Variants in NTM observed in about 807,000 individuals in gnomAD.
NTM encodes neurotrimin.
In NTM, 13 loss-of-function variants were observed where a neutral mutation model predicts 42.1. That is an observed-to-expected ratio of 0.31 (90% CI 0.20 to 0.49). NTM has a LOEUF of 0.49. NTM is among the 20% of genes least tolerant of loss of function. The probability of loss-of-function intolerance (pLI) is 0.99; values close to 1 mark genes in which losing one functional copy is unlikely to be tolerated. For synonymous variants in NTM, 187 were observed against 179.2 expected (o/e 1.04, Z -0.35); for missense variants, 373 against 452.8 (o/e 0.82, Z 1.60).
intron 1 of NTM, chr11:131,771,379 T>A (rs1004852839): frequency 6.6e-6 from 1 of 152,212 alleles, no homozygotes; most frequent in Non-Finnish European, 1.5e-5. Flanking sequence ...TTAGTCATAA[T>A]TGTCACAGAA....
chr11:131,403,193 T>G (rs1315851402), intron 1 of NTM, among the ~76,000 whole-genome samples: 3 of 152,132 alleles, frequency 2.0e-5, no homozygotes, highest in Admixed American at 2.0e-4. Context: ...GCTGGAGGTG[T>G]CCCTAGTAGT....
Position 132,310,206 on chromosome 11 carries a change from A to T in NTM, c.756A>T (p.Glu252Asp), listed in dbSNP as rs1291492198. The change falls in exon 6 of 9, where the codon GAA (glutamate) becomes GAT (aspartate). Residue 252 changes from glutamate to aspartate, a missense_variant. Physicochemically the swap from Glu to Asp is conservative, Grantham distance 45. Around this residue, in one of 3 missense-constraint regions of NTM, gnomAD observed 312 missense variants for 353.5 expected, o/e 0.88. Coordinates refer to ENST00000683400, the MANE Select transcript of NTM (RefSeq NM_001352005.2). ...AAGCCTCAGCAGTCCCCTCAGCAGA[A>T]TTCCAGTGGTACAAGGATGACAAAA... Reference protein sequence around the residue: ...QCEASAVPSAEFQWYKDDKRL... With the variant: ...QCEASAVPSADFQWYKDDKRL... The T allele has an allele frequency of 6.2e-7, 1 of 1,609,378 alleles. No individual in the cohort carries two copies. The highest frequency in any genetic ancestry group is 1.1e-5 in the South Asian group (1 of 90,136).
intron 1 of NTM, among the ~76,000 whole-genome samples, chr11:131,643,612 TC>T (rs1220641631): frequency 6.6e-6 from 1 of 152,202 alleles, no homozygotes; most frequent in Non-Finnish European, 1.5e-5. Flanking sequence ...AGCCTAATCA[TC>T]TAGAGGGGAG....
At chr11:131,645,057 C>T (rs2065603085) in intron 1 of NTM, among the ~76,000 whole-genome samples, 1 of 152,038 alleles carries the variant, frequency 6.6e-6, no homozygotes, top group African/African-American at 2.4e-5. Context: ...AAAAATGTAC[C>T]ACAGATTGAG....
At chr11:131,612,438 A>G (rs967343336) in intron 1 of NTM, among the ~76,000 whole-genome samples, 1 of 152,208 alleles carries the variant, frequency 6.6e-6, no homozygotes, top group South Asian at 2.1e-4. Flanking sequence ...CGCAATTTTT[A>G]TTGTGAAGAA....
At chr11:131,414,491 G>C (rs1946743346) in intron 1 of NTM, among the ~76,000 whole-genome samples, 1 of 152,202 alleles carries the variant, frequency 6.6e-6, no homozygotes. Context: ...GCAGGTCCGG[G>C]ACTGCCACTT....
chr11:131,380,576 C>T (rs1942549664), intron 1 of NTM, among the ~76,000 whole-genome samples: 1 of 152,168 alleles, frequency 6.6e-6, no homozygotes, highest in South Asian at 2.1e-4. Flanking sequence ...TTCATATCCA[C>T]AACCTGTTAG....
chr11:131,586,594 C>G (rs987892334), intron 1 of NTM, among the ~76,000 whole-genome samples: 9 of 152,160 alleles, frequency 5.9e-5, no homozygotes, highest in African/African-American at 1.9e-4. Flanking sequence ...TGACTGTAAC[C>G]TTAGGAGGAA....
In NTM at chr11:132,335,270, C is replaced by A; in HGVS notation, c.*124C>A. ...AATGAAATTAGAAGAAACACAGCCT[C>A]ATGGGACAGAAATTTGAGGGAGGGG... is the stretch of plus-strand genomic sequence containing the variant. On this transcript the variant is annotated 3_prime_UTR_variant, in exon 9 of 9. Coordinates refer to ENST00000683400, the MANE Select transcript of NTM (RefSeq NM_001352005.2). 1 of 1,037,114 alleles carries A rather than the reference C, an allele frequency of 9.6e-7. No individual in the cohort carries two copies. The highest frequency in any genetic ancestry group is 1.4e-6 in the Non-Finnish European group (1 of 738,456). The allele number at this position is 1,037,114 out of a possible 1,614,324, so 64.2% of individuals were successfully genotyped here. A position where few individuals can be genotyped will look rare whatever the true frequency, so the allele number is the denominator to read the frequency against.
At chr11:131,603,230 G>A (rs971371954) in intron 1 of NTM, among the ~76,000 whole-genome samples, 1 of 151,906 alleles carries the variant, frequency 6.6e-6, no homozygotes, top group African/African-American at 2.4e-5. Context: ...AAACCACGTG[G>A]GTCCTCTCCA....
intron 2 of NTM, among the ~76,000 whole-genome samples, chr11:131,966,077 G>A (rs768217043): frequency 2.0e-5 from 3 of 152,088 alleles, no homozygotes; most frequent in East Asian, 3.9e-4. Flanking sequence ...AAGAACACTC[G>A]AGGGTGAGTT....
At chr11:131,779,930 C>G (rs1044970064) in intron 1 of NTM, among the ~76,000 whole-genome samples, 2 of 152,078 alleles carry the variant, frequency 1.3e-5, no homozygotes, top group East Asian at 1.9e-4. Flanking sequence ...CAAGGGGGAA[C>G]AGCACGGGTG....
At chr11:131,602,439 C>T (rs1490294317) in intron 1 of NTM, among the ~76,000 whole-genome samples, 3 of 152,178 alleles carry the variant, frequency 2.0e-5, no homozygotes, top group African/African-American at 7.2e-5. Context: ...TCAATGCTTC[C>T]TTTTGATTCC....
In NTM at chr11:132,166,328, T is replaced by C. The variant is rs532777102; in HGVS notation, c.400+19814T>C. Among the ~76,000 whole-genome samples the C allele has an allele frequency of 1.4e-4, 21 of 152,296 alleles. No individual in the cohort carries two copies. In the South Asian group the frequency reaches 3.7e-3, roughly 27 times the overall value. On this transcript the variant is annotated intron_variant, in intron 3 of 8. Coordinates refer to ENST00000683400, the MANE Select transcript of NTM (RefSeq NM_001352005.2). ...GGTCTCTATTAGTGAGACCTCATTA[T>C]CTATTAGTCTGTTGCAGAAACCTCA...
intron 1 of NTM, among the ~76,000 whole-genome samples, chr11:131,636,828 T>C (rs886837955): frequency 1.3e-5 from 2 of 152,214 alleles, no homozygotes; most frequent in African/African-American, 2.4e-5. Context: ...TTTATTGAGA[T>C]GGCGAACACC....
chr11:132,144,891 C>G (rs2070025770), intron 2 of NTM, among the ~76,000 whole-genome samples: 1 of 152,228 alleles, frequency 6.6e-6, no homozygotes, highest in Non-Finnish European at 1.5e-5. Context: ...AGCAAACTAT[C>G]CCTGTGCACC....
intron 2 of NTM, among the ~76,000 whole-genome samples, chr11:132,007,183 C>T (rs1416401137): frequency 2.6e-5 from 4 of 152,342 alleles, no homozygotes; most frequent in Admixed American, 2.0e-4. Flanking sequence ...TCGGCATAAC[C>T]TACTTATCCT....
chr11:131,725,805 T>A (rs2078895310), intron 1 of NTM, among the ~76,000 whole-genome samples: 1 of 152,192 alleles, frequency 6.6e-6, no homozygotes, highest in African/African-American at 2.4e-5. Flanking sequence ...TCTAACAAGA[T>A]GCCTCTGGTT....
At chr11:131,477,538 CAG>C (rs1591782271) in intron 1 of NTM, among the ~76,000 whole-genome samples, 3 of 151,868 alleles carry the variant, frequency 2.0e-5, no homozygotes, top group African/African-American at 4.8e-5. Context: ...TTCCAGGACA[CAG>C]AGGATGCGCC....
Sources: allele counts gnomAD v4.1 joint callset (sites outside exome capture counted in the v4.1 genomes callset), GRCh38; gene constraint gnomAD v4.1.1; regional missense constraint gnomAD v4.1.1; transcripts MANE v1.5; gene names NCBI Gene and HGNC (gene_info 2026-07-23, HGNC 2026-07-21).